The following CREB5 variants were observed in gnomAD, a reference collection of about 807,000 sequenced individuals.
CREB5 encodes the protein cAMP responsive element binding protein 5, also known as cyclic AMP-responsive element-binding protein 5.
In CREB5, 19 loss-of-function variants were observed where a neutral mutation model predicts 57.1. The observed-to-expected ratio is 0.33, with a 90% CI of 0.23 to 0.49. The LOEUF (loss-of-function observed/expected upper bound fraction) is 0.49. Among genes scored for constraint, CREB5 ranks in the 20% least tolerant of loss-of-function variants. CREB5 has a pLI of 0.99. For missense variants in CREB5, 579 were observed against 671.6 expected (o/e 0.86, Z 1.52); for synonymous variants, 238 against 238.3 (o/e 1.00, Z 0.01).
chr7:28,620,700 C>T (rs1330274029), intron 5 of CREB5, among the ~76,000 whole-genome samples: 1 of 152,136 alleles, frequency 6.6e-6, no homozygotes, highest in African/African-American at 2.4e-5. Context: ...AGAGCCGCTA[C>T]GGTCAAAGAG....
At chr7:28,460,582 G>A (rs1790309529) in intron 1 of CREB5, among the ~76,000 whole-genome samples, 1 of 152,170 alleles carries the variant, frequency 6.6e-6, no homozygotes, top group Admixed American at 6.5e-5. Context: ...AAAGGGCATG[G>A]AAAGTCACCT....
Position 28,444,580 on chromosome 7 carries a change from C to T in CREB5, c.3+31663C>T, listed in dbSNP as rs1031168418. On this transcript the variant is annotated intron_variant, in intron 1 of 10. Coordinates refer to ENST00000357727, the MANE Select transcript of CREB5 (RefSeq NM_182898.4). ...AAAGACTCTTCCACTGGCCTCTCCA[C>T]CAGAGGAGAAGCTGTGTTTTAAAAA... Among the ~76,000 whole-genome samples, 5 of 152,270 alleles carry T rather than the reference C, an allele frequency of 3.3e-5. No homozygotes were observed. In the East Asian group the frequency reaches 9.7e-4, roughly 29 times the overall value.
chr7:28,725,054 A>G (rs1331315450), intron 7 of CREB5, among the ~76,000 whole-genome samples: 1 of 152,236 alleles, frequency 6.6e-6, no homozygotes, highest in Non-Finnish European at 1.5e-5. Flanking sequence ...TTTAGTTTAC[A>G]TACAGTTTAA....
intron 1 of CREB5, among the ~76,000 whole-genome samples, chr7:28,305,954 T>C (rs1314153852): frequency 6.6e-6 from 1 of 152,182 alleles, no homozygotes; most frequent in Non-Finnish European, 1.5e-5. Context: ...TTTACACATA[T>C]GTGTATGGAC....
intron 4 of CREB5, among the ~76,000 whole-genome samples, chr7:28,567,032 TA>T (rs1433905365): frequency 1.3e-5 from 2 of 152,240 alleles, no homozygotes; most frequent in African/African-American, 4.8e-5. Context: ...CTGAAGAAAT[TA>T]AACCTATTCT....
chr7:28,675,344 G>A (rs1800267774), intron 5 of CREB5, among the ~76,000 whole-genome samples: 1 of 152,180 alleles, frequency 6.6e-6, no homozygotes, highest in African/African-American at 2.4e-5. Flanking sequence ...GAACTCAACA[G>A]CATCCTTGTA....
chr7:28,673,792 G>A (rs1800181752), intron 5 of CREB5, among the ~76,000 whole-genome samples: 1 of 147,212 alleles, frequency 6.8e-6, no homozygotes, highest in African/African-American at 2.5e-5. Flanking sequence ...TCCCTACTCA[G>A]CCTCCCAAGT....
At chr7:28,455,435 A>G (rs1790050909) in intron 1 of CREB5, among the ~76,000 whole-genome samples, 1 of 152,238 alleles carries the variant, frequency 6.6e-6, no homozygotes, top group African/African-American at 2.4e-5. Flanking sequence ...TAAACATAGA[A>G]GGCAGAAAGG....
intron 1 of CREB5, among the ~76,000 whole-genome samples, chr7:28,306,546 G>GA (rs1158818400): frequency 3.2e-5 from 3 of 93,494 alleles, no homozygotes; most frequent in Admixed American, 2.7e-4. Flanking sequence ...ATACAGTTTT[G>GA]TTTTTTTTGT....
At chr7:28,322,005 C>T (rs752659795) in intron 1 of CREB5, among the ~76,000 whole-genome samples, 7 of 152,052 alleles carry the variant, frequency 4.6e-5, no homozygotes, top group African/African-American at 7.2e-5. Context: ...TTTAGTGAGA[C>T]GAACACAAAT....
intron 9 of CREB5, among the ~76,000 whole-genome samples, chr7:28,816,788 G>A (rs1220071527): frequency 1.3e-5 from 2 of 152,226 alleles, no homozygotes; most frequent in African/African-American, 4.8e-5. Flanking sequence ...TGACAGCAAT[G>A]TTAATCGTCC....
chr7:28,746,052 C>A (rs1431698118), intron 7 of CREB5, among the ~76,000 whole-genome samples: 1 of 152,172 alleles, frequency 6.6e-6, no homozygotes, highest in African/African-American at 2.4e-5. Flanking sequence ...TTTTCTCATT[C>A]TGAGGGGAAA....
At chr7:28,355,419 T>C (rs1786320497) in intron 1 of CREB5, among the ~76,000 whole-genome samples, 2 of 152,340 alleles carry the variant, frequency 1.3e-5, no homozygotes. Context: ...ATGAAATTTT[T>C]TTATTACATG....
At chr7:28,427,700 T>G (rs1283270613) in intron 1 of CREB5, among the ~76,000 whole-genome samples, 2 of 152,044 alleles carry the variant, frequency 1.3e-5, no homozygotes, top group Non-Finnish European at 2.9e-5. Context: ...AACTCTGCCC[T>G]CCTCCTCACC....
At chr7:28,756,040 GA>G (rs1432131513) in intron 7 of CREB5, among the ~76,000 whole-genome samples, 2 of 152,048 alleles carry the variant, frequency 1.3e-5, no homozygotes, top group African/African-American at 4.8e-5. Context: ...TAAAAATACA[GA>G]ACATAGGAAG....
intron 1 of CREB5, among the ~76,000 whole-genome samples, chr7:28,462,906 C>CA (rs1371589982): frequency 2.0e-5 from 3 of 152,022 alleles, no homozygotes; most frequent in Admixed American, 6.5e-5. Flanking sequence ...TTGAAGCACA[C>CA]AAAAAATTAA....
intron 1 of CREB5, among the ~76,000 whole-genome samples, chr7:28,389,615 T>C (rs1356239334): frequency 6.7e-6 from 1 of 148,630 alleles, no homozygotes; most frequent in Non-Finnish European, 1.5e-5. Context: ...GCTATTGATA[T>C]TGCCAACTAT....
intron 5 of CREB5, among the ~76,000 whole-genome samples, chr7:28,713,642 C>T (rs1440674201): frequency 6.6e-6 from 1 of 152,150 alleles, no homozygotes; most frequent in African/African-American, 2.4e-5. Flanking sequence ...GTGCATGATA[C>T]CCTTATCATG....
At chr7:28,653,263 G>C (rs1458458211) in intron 5 of CREB5, among the ~76,000 whole-genome samples, 1 of 152,102 alleles carries the variant, frequency 6.6e-6, no homozygotes, top group Non-Finnish European at 1.5e-5. Context: ...ATATAAGATT[G>C]TGCTGTTTTT....
Sources: allele counts gnomAD v4.1 joint callset (sites outside exome capture counted in the v4.1 genomes callset), GRCh38; gene constraint gnomAD v4.1.1; transcripts MANE v1.5; gene names NCBI Gene and HGNC (gene_info 2026-07-23, HGNC 2026-07-21).